CDK19: variants seen among roughly 807,000 people sequenced by gnomAD.
CDK19 encodes the protein cyclin-dependent kinase 19.
CDK19 carries 20 observed loss-of-function variants against 68.3 expected under a neutral mutation model. The ratio of observed to expected loss-of-function variants is 0.29; its 90% CI spans 0.21 to 0.43. The LOEUF (loss-of-function observed/expected upper bound fraction) is 0.43. Ranked by LOEUF, CDK19 falls within the 20% of genes least tolerant of loss-of-function variation. CDK19 has a pLI of 1.00. For missense variants in CDK19, 339 were observed against 623.5 expected (o/e 0.54, Z 4.86); for synonymous variants, 221 against 222.8 (o/e 0.99, Z 0.07).
intron 4 of CDK19, among the ~76,000 whole-genome samples, chr6:110,654,089 T>C (rs918552615): frequency 2.0e-5 from 3 of 152,210 alleles, no homozygotes; most frequent in Non-Finnish European, 4.4e-5. Context: ...TCTGAAACAA[T>C]GAACAGTGCC....
chr6:110,752,882 A>G (rs1025196798), intron 1 of CDK19, among the ~76,000 whole-genome samples: 2 of 151,764 alleles, frequency 1.3e-5, no homozygotes, highest in Admixed American at 6.6e-5. Flanking sequence ...TTTTTCTTAC[A>G]AACTGATTGA....
chr6:110,779,810 C>T (rs141344630), intron 1 of CDK19, among the ~76,000 whole-genome samples: 38 of 152,216 alleles, frequency 2.5e-4, no homozygotes, highest in African/African-American at 7.5e-4. Context: ...GGAGGCTGGG[C>T]GCTGTGGCTC....
At chr6:110,772,804 G>A (rs935532365) in intron 1 of CDK19, among the ~76,000 whole-genome samples, 8 of 150,178 alleles carry the variant, frequency 5.3e-5, no homozygotes, top group Non-Finnish European at 1.0e-4. Context: ...GAAGTGGGAG[G>A]ATTGCTTAGG....
intron 1 of CDK19, among the ~76,000 whole-genome samples, chr6:110,769,756 G>C (rs1779874802): frequency 6.6e-6 from 1 of 152,004 alleles, no homozygotes; most frequent in Non-Finnish European, 1.5e-5. Flanking sequence ...AACTGAGTTG[G>C]AGTTGGGAGC....
Position 110,811,508 on chromosome 6 carries a change from A to T in CDK19, c.128+3501T>A, listed in dbSNP as rs575868164. On this transcript the variant is annotated intron_variant, in intron 1 of 12. Transcript: ENST00000368911. Reference sequence around the variant, plus strand: ...GGTGATCCACCTGCCTCGGCTTCCCAAAGTGCTGGGATTAAAGGTGTGAGC... The same window carrying T: ...GGTGATCCACCTGCCTCGGCTTCCCTAAGTGCTGGGATTAAAGGTGTGAGC... Among the ~76,000 whole-genome samples, 4 of 152,178 alleles carry T rather than the reference A, an allele frequency of 2.6e-5. No individual in the cohort carries two copies. In the East Asian group the frequency reaches 7.7e-4, roughly 29 times the overall value.
In CDK19 at chr6:110,741,115, G is replaced by A. The variant is rs544614464; in HGVS notation, c.204+5011C>T. On this transcript the variant is annotated intron_variant, in intron 2 of 12. Coordinates refer to ENST00000368911, the MANE Select transcript of CDK19 (RefSeq NM_015076.5). ...TATAAACATATGTATAATGAGAGCT[G>A]CAATAAGAGAAGAGAGAAAGGAAAG... is the stretch of plus-strand genomic sequence containing the variant. Among the ~76,000 whole-genome samples, 50 of 152,114 alleles carry A rather than the reference G, an allele frequency of 3.3e-4. No individual in the cohort carries two copies. In the Middle Eastern group the frequency reaches 0.01, roughly 31 times the overall value.
intron 1 of CDK19, among the ~76,000 whole-genome samples, chr6:110,809,164 G>A (rs537348891): frequency 4.0e-5 from 6 of 150,700 alleles, no homozygotes; most frequent in Middle Eastern, 7.0e-3. Context: ...GCAGTGAGCC[G>A]AGACTGCGCC....
rs1325168294 is a variant in CDK19, at chr6:110,621,886, C to T, written c.1110+202G>A. ...AACTGGCTGTAACACACACCGGAAG[C>T]TCAGGTATCTGTGAGCTGGTCATAC... On this transcript the variant is annotated intron_variant, in intron 11 of 12. Transcript: ENST00000368911. The surrounding 1 kb of genome is among the most constrained non-coding windows in gnomAD (Gnocchi z 5.4). 6.6e-6 allele frequency among the ~76,000 whole-genome samples: 1 copy of T among 152,174 alleles called. No homozygotes were observed. The highest frequency in any genetic ancestry group is 2.4e-5 in the African/African-American group (1 of 41,448).
chr6:110,794,100 CA>C (rs535430367), intron 1 of CDK19, among the ~76,000 whole-genome samples: 1 of 152,118 alleles, frequency 6.6e-6, no homozygotes, highest in Non-Finnish European at 1.5e-5. Flanking sequence ...GGCTGGAGTG[CA>C]GTGGCGCAAT....
At chr6:110,746,716 A>G (rs1463483729) in intron 1 of CDK19, among the ~76,000 whole-genome samples, 1 of 152,198 alleles carries the variant, frequency 6.6e-6, no homozygotes, top group South Asian at 2.1e-4. Flanking sequence ...GAGGACCTCA[A>G]TCAAAAGCCT....
At chr6:110,797,344 A>C (rs1475850592) in intron 1 of CDK19, among the ~76,000 whole-genome samples, 1 of 152,182 alleles carries the variant, frequency 6.6e-6, no homozygotes, top group Non-Finnish European at 1.5e-5. Flanking sequence ...CGTCTCAAAA[A>C]AAAAAGAAAA....
intron 2 of CDK19, among the ~76,000 whole-genome samples, chr6:110,685,190 A>G (rs190615911): frequency 9.8e-5 from 15 of 152,316 alleles, no homozygotes; most frequent in Admixed American, 3.3e-4. Context: ...CAAGTGCTAC[A>G]TACTCTGCTT....
intron 8 of CDK19, among the ~76,000 whole-genome samples, chr6:110,625,615 A>C (rs1779041231): frequency 6.6e-6 from 1 of 152,180 alleles, no homozygotes; most frequent in Non-Finnish European, 1.5e-5. Context: ...TGAAACTTGG[A>C]AAAGTGAACT....
At chr6:110,677,926 T>C (rs1218944320) in intron 2 of CDK19, among the ~76,000 whole-genome samples, 1 of 152,200 alleles carries the variant, frequency 6.6e-6, no homozygotes, top group African/African-American at 2.4e-5. Flanking sequence ...CATAGCTCAC[T>C]GCAGCCTCAA....
chr6:110,664,657 G>A (rs1781811124), intron 4 of CDK19, among the ~76,000 whole-genome samples: 3 of 152,174 alleles, frequency 2.0e-5, no homozygotes, highest in East Asian at 3.8e-4. Context: ...GGGCAGTAGT[G>A]TACAAAAAGA....
intron 2 of CDK19, among the ~76,000 whole-genome samples, chr6:110,678,723 A>C (rs1771740497): frequency 6.6e-6 from 1 of 152,232 alleles, no homozygotes; most frequent in Non-Finnish European, 1.5e-5. Flanking sequence ...AATAGAAAAA[A>C]ATGCATTGTT....
chr6:110,811,175 T>C (rs1196341240), intron 1 of CDK19, among the ~76,000 whole-genome samples: 1 of 152,234 alleles, frequency 6.6e-6, no homozygotes, highest in Non-Finnish European at 1.5e-5. Context: ...CTGACAAATC[T>C]TTAATCTTCT....
intron 2 of CDK19, among the ~76,000 whole-genome samples, chr6:110,713,475 T>C: frequency 6.5e-5 from 1 of 15,292 alleles, no homozygotes; most frequent in South Asian, 3.0e-3. Flanking sequence ...GATCCTCTTG[T>C]CTCAAAAAAA....
At chr6:110,622,765 G>A (rs1778796597) in intron 10 of CDK19, 50 bp downstream of exon 10, 1 of 1,169,078 alleles carries the variant, frequency 8.6e-7, no homozygotes, top group Non-Finnish European at 1.3e-6. Flanking sequence ...CAACCACCAT[G>A]CAGCCTCCTC....
Sources: gnomAD v4.1 joint callset for allele counts (sites outside exome capture counted in the v4.1 genomes callset) on GRCh38, gnomAD v4.1.1 for gene constraint, Gnocchi (gnomAD v3.1) non-coding constraint, MANE v1.5 for transcripts, NCBI Gene and HGNC (gene_info 2026-07-23, HGNC 2026-07-21) for gene names.